The following TECRL variants were observed in gnomAD, a reference collection of about 807,000 sequenced individuals.
TECRL encodes the protein trans-2,3-enoyl-CoA reductase-like.
TECRL carries 63 observed loss-of-function variants against 52.8 expected under a neutral mutation model. That is an observed-to-expected ratio of 1.19 (90% CI 0.97 to 1.47). The LOEUF (loss-of-function observed/expected upper bound fraction) is 1.47. Among genes scored for constraint, TECRL ranks in the 40% most tolerant of loss-of-function variants. TECRL has a pLI of 0.00. For synonymous variants in TECRL, 164 were observed against 141.9 expected (o/e 1.16, Z -1.10); for missense variants, 482 against 429.6 (o/e 1.12, Z -1.08).
At chr4:64,376,236 T>A (rs1260157843) in intron 1 of TECRL, among the ~76,000 whole-genome samples, 1 of 151,908 alleles carries the variant, frequency 6.6e-6, no homozygotes, top group Non-Finnish European at 1.5e-5. Flanking sequence ...AAGCATTCAG[T>A]ATACTGTTCA....
In TECRL at chr4:64,281,524, G is replaced by A. The variant is rs775294813; in HGVS notation, c.868C>T (p.Pro290Ser). 1.2e-6 allele frequency: 2 copies of A among 1,604,186 alleles called. No homozygotes were observed. Among genetic ancestry groups the A allele is most frequent in the East Asian group, 2.3e-5 (1 of 44,444 alleles). The change falls in exon 10 of 12, where the codon CCC becomes TCC. Residue 290 changes from proline to serine, a missense_variant. Physicochemically the swap from Pro to Ser is moderately conservative, Grantham distance 74. Transcript: ENST00000381210. ...NACFPSPNYN[P>S]FTWMFFLVSC... The stretch of plus-strand genomic sequence containing the variant: ...ACCAGGAAAAACATCCATGTGAAGG[G>A]GTTATAATTTGGACTTGGGAAACAG...
intron 1 of TECRL, among the ~76,000 whole-genome samples, chr4:64,393,405 T>C (rs1723688534): frequency 6.6e-6 from 1 of 152,004 alleles, no homozygotes; most frequent in African/African-American, 2.4e-5. Context: ...TATGGAAAGA[T>C]AAATAATGCT....
At chr4:64,356,815 C>G (rs557678648) in intron 2 of TECRL, among the ~76,000 whole-genome samples, 1 of 152,234 alleles carries the variant, frequency 6.6e-6, no homozygotes, top group Admixed American at 6.5e-5. Context: ...TTCTCAGTCT[C>G]TCATCCCACC....
intron 2 of TECRL, among the ~76,000 whole-genome samples, chr4:64,360,835 C>T (rs537642262): frequency 6.6e-6 from 1 of 152,246 alleles, no homozygotes; most frequent in Admixed American, 6.5e-5. Context: ...TGTATACTGT[C>T]CATGGACATC....
chr4:64,354,062 C>T (rs926099861), intron 2 of TECRL, among the ~76,000 whole-genome samples: 4 of 152,110 alleles, frequency 2.6e-5, no homozygotes, highest in Non-Finnish European at 4.4e-5. Flanking sequence ...TGCTCAAATA[C>T]GGATTTATAC....
chr4:64,293,826 A>G (rs1723527924), intron 8 of TECRL, among the ~76,000 whole-genome samples: 1 of 151,910 alleles, frequency 6.6e-6, no homozygotes, highest in Non-Finnish European at 1.5e-5. Flanking sequence ...GGTTTCCACA[A>G]TAAAAATAAT....
intron 2 of TECRL, among the ~76,000 whole-genome samples, chr4:64,332,535 T>C (rs888548833): frequency 6.6e-6 from 1 of 152,078 alleles, no homozygotes; most frequent in African/African-American, 2.4e-5. Context: ...CAAGACATGA[T>C]GAAAAACCAG....
Position 64,293,967 on chromosome 4 carries a change from C to CAT in TECRL, c.775-4202_775-4201dup, listed in dbSNP as rs199561757. Among the ~76,000 whole-genome samples the CAT allele has an allele frequency of 4.2e-3, 615 of 146,950 alleles. 3 individuals carry two copies. Among genetic ancestry groups the CAT allele is most frequent in the Non-Finnish European group, 7.2e-3 (482 of 67,028 alleles). ...CATTATTAATTTTTGGCAGGTGCTA[C>CAT]ATATATATATATAAAATATATATAT... On this transcript the variant is annotated intron_variant, in intron 8 of 11. Coordinates refer to ENST00000381210, the MANE Select transcript of TECRL (RefSeq NM_001010874.5).
chr4:64,343,932 TA>T (rs1302587731), intron 2 of TECRL, among the ~76,000 whole-genome samples: 1 of 151,878 alleles, frequency 6.6e-6, no homozygotes, highest in Non-Finnish European at 1.5e-5. Flanking sequence ...GAAAGCTTTT[TA>T]AAAAAATACC....
At chr4:64,288,496 A>T (rs764233578) in intron 9 of TECRL, among the ~76,000 whole-genome samples, 1 of 152,166 alleles carries the variant, frequency 6.6e-6, no homozygotes, top group Non-Finnish European at 1.5e-5. Flanking sequence ...GAAAATATAT[A>T]TATATAAAAG....
At chr4:64,276,927 A>G, downstream of TECRL, 1 of 716,150 alleles carries the variant, frequency 1.4e-6, no homozygotes, top group Non-Finnish European at 2.2e-6. Flanking sequence ...AATGAAGGTT[A>G]GGTTTTAAAG....
chr4:64,388,306 T>C (rs568226459), intron 1 of TECRL, among the ~76,000 whole-genome samples: 1 of 151,820 alleles, frequency 6.6e-6, no homozygotes, highest in African/African-American at 2.4e-5. Context: ...GTTGCCTTTG[T>C]TCCTTTGTCA....
At chr4:64,386,368 T>C (rs1012934178) in intron 1 of TECRL, among the ~76,000 whole-genome samples, 3 of 152,134 alleles carry the variant, frequency 2.0e-5, no homozygotes, top group Non-Finnish European at 4.4e-5. Flanking sequence ...ATCCTCATCA[T>C]CTTCATGCTA....
At chr4:64,339,131 T>C (rs1453919984) in intron 2 of TECRL, among the ~76,000 whole-genome samples, 1 of 151,812 alleles carries the variant, frequency 6.6e-6, no homozygotes, top group South Asian at 2.1e-4. Context: ...ATGTCCTTTG[T>C]AGGGACATGG....
At chr4:64,320,970 T>C (rs1717857158) in intron 4 of TECRL, among the ~76,000 whole-genome samples, 1 of 152,188 alleles carries the variant, frequency 6.6e-6, no homozygotes, top group East Asian at 1.9e-4. Context: ...GGAAAATAAA[T>C]CAACTATTTT....
chr4:64,322,655 A>T, intron 4 of TECRL, 34 bp downstream of exon 4: 2 of 1,385,366 alleles, frequency 1.4e-6, no homozygotes, highest in Non-Finnish European at 2.0e-6. Flanking sequence ...GCAAAATATG[A>T]GAAATGTATA....
At chr4:64,313,491 T>A (rs1025310254) in intron 5 of TECRL, among the ~76,000 whole-genome samples, 2 of 144,062 alleles carry the variant, frequency 1.4e-5, no homozygotes, top group Non-Finnish European at 3.0e-5. Context: ...TTTTTTTTTT[T>A]TTTTTTTTGA....
chr4:64,314,412 C>T (rs536081786), intron 5 of TECRL, among the ~76,000 whole-genome samples: 140 of 152,204 alleles, frequency 9.2e-4, no homozygotes, highest in Non-Finnish European at 1.5e-3. Flanking sequence ...TAAATTACCT[C>T]TATTTTAAGG....
Position 64,279,734 on chromosome 4 carries a change from C to G in TECRL, c.*338G>C. On this transcript the variant is annotated 3_prime_UTR_variant, in exon 12 of 12. Transcript: ENST00000381210. The stretch of plus-strand genomic sequence containing the variant: ...CTTTGGGAAATGTCTGTTCAGATCG[C>G]TTTTTCATTTGTTAATCAGATTTTT... 2 of 915,910 alleles carry G rather than the reference C, an allele frequency of 2.2e-6. No homozygotes were observed. Among genetic ancestry groups the G allele is most frequent in the Non-Finnish European group, 2.5e-6 (2 of 794,178 alleles). 56.7% of individuals were successfully genotyped at this position (915,910 alleles called of 1,614,324 possible). A position where few individuals can be genotyped will look rare whatever the true frequency, so the allele number is the denominator to read the frequency against.
Sources: gnomAD v4.1 joint callset for allele counts (sites outside exome capture counted in the v4.1 genomes callset) on GRCh38, gnomAD v4.1.1 for gene constraint, MANE v1.5 for transcripts, NCBI Gene and HGNC (gene_info 2026-07-23, HGNC 2026-07-21) for gene names.